RPS6KA2: variants seen among roughly 807,000 people sequenced by gnomAD.
RPS6KA2 encodes the protein ribosomal protein S6 kinase alpha-2.
Under a neutral mutation model 91.8 loss-of-function variants are expected in RPS6KA2, and 42 were observed. That is an observed-to-expected ratio of 0.46 (90% confidence interval 0.36 to 0.59). RPS6KA2 has a LOEUF of 0.59. Ranked by LOEUF, RPS6KA2 falls within the 20% of genes least tolerant of loss-of-function variation. RPS6KA2 has a pLI of 0.00. For missense variants in RPS6KA2, 798 were observed against 978.5 expected, an observed-to-expected ratio of 0.82 and a Z score of 2.46; for synonymous variants, 414 against 393.6, an observed-to-expected ratio of 1.05 and a Z score of -0.61.
intron 2 of RPS6KA2, among the ~76,000 whole-genome samples, chr6:166,703,802 A>G (rs995519640): frequency 3.3e-5 from 5 of 152,238 alleles, no homozygotes; most frequent in Admixed American, 1.3e-4. Flanking sequence ...TCTGCAATTC[A>G]TTAACCTTAT....
intron 2 of RPS6KA2, among the ~76,000 whole-genome samples, chr6:166,657,704 G>A (rs1788043672): frequency 6.6e-6 from 1 of 152,192 alleles, no homozygotes; most frequent in African/African-American, 2.4e-5. Context: ...GAGAAGAACG[G>A]GAAGAGGCTG....
At position 166,648,110 on chromosome 6, in the gene RPS6KA2, G is replaced by GCA; in HGVS notation, c.124-109328_124-109327dup. The stretch of plus-strand genomic sequence containing the variant: ...TACACACACGCTCATACACACACGT[G>GCA]CACACACACGCTCATACACATACAT... On this transcript the variant is annotated intron_variant, in intron 2 of 21. Transcript: ENST00000503859. This position sits in a 1 kb window ranked among gnomAD's most constrained non-coding sequence, Gnocchi z 4.8. 9.1e-6 allele frequency among the ~76,000 whole-genome samples: 1 copy of GCA among 109,804 alleles called. No homozygotes were observed. Among genetic ancestry groups the GCA allele is most frequent in the East Asian group, 3.0e-4 (1 of 3,284 alleles). 72.0% of individuals were successfully genotyped at this position (109,804 alleles called of 152,430 possible). A position where few individuals can be genotyped will look rare whatever the true frequency, so the allele number is the denominator to read the frequency against.
chr6:166,487,326 G>A (rs76265878), intron 10 of RPS6KA2, among the ~76,000 whole-genome samples: 371 of 152,140 alleles, frequency 2.4e-3, no homozygotes, highest in African/African-American at 8.0e-3. Flanking sequence ...CCCATGCCAC[G>A]GGGAGCTCAC....
chr6:166,779,686 G>T (rs942037282), intron 2 of RPS6KA2, among the ~76,000 whole-genome samples: 11 of 152,290 alleles, frequency 7.2e-5, no homozygotes, highest in African/African-American at 2.6e-4. Flanking sequence ...AGCGGCCAGG[G>T]TGTTTCCTTT....
intron 2 of RPS6KA2, among the ~76,000 whole-genome samples, chr6:166,769,696 G>A (rs1021184712): frequency 6.6e-6 from 1 of 152,208 alleles, no homozygotes; most frequent in African/African-American, 2.4e-5. Context: ...GAATTCAAAT[G>A]TCAAGCATTG....
At chr6:166,798,779 C>T (rs1291496160) in intron 2 of RPS6KA2, among the ~76,000 whole-genome samples, 2 of 152,226 alleles carry the variant, frequency 1.3e-5, no homozygotes, top group Non-Finnish European at 2.9e-5. Context: ...CCCCCTTCTC[C>T]ACAGACAGGT....
intron 2 of RPS6KA2, among the ~76,000 whole-genome samples, chr6:166,820,870 A>G (rs775248519): frequency 1.3e-5 from 2 of 152,248 alleles, no homozygotes; most frequent in Non-Finnish European, 2.9e-5. Context: ...TAATTAACCA[A>G]TTACTACGTT....
chr6:166,849,824 A>G lies in RPS6KA2; in HGVS notation c.123+8376T>C, dbSNP rs1444033768. Among the ~76,000 whole-genome samples the G allele has an allele frequency of 2.0e-5, 3 of 152,274 alleles. No homozygotes were observed. In the East Asian group the frequency reaches 5.8e-4, roughly 29 times the overall value. Reference sequence around the variant, plus strand: ...AATTCTCGCCTTCGCTTTCTTTGGAAATGGTTTTATAGGGTTTGCTCCATC... The same window carrying G: ...AATTCTCGCCTTCGCTTTCTTTGGAGATGGTTTTATAGGGTTTGCTCCATC... On this transcript the variant is annotated intron_variant, in intron 2 of 21. Transcript: ENST00000503859. This position sits in a 1 kb window ranked among gnomAD's most constrained non-coding sequence, Gnocchi z 4.9.
chr6:166,519,632 C>A (rs1318786361), intron 3 of RPS6KA2, among the ~76,000 whole-genome samples: 2 of 152,174 alleles, frequency 1.3e-5, no homozygotes, highest in Non-Finnish European at 2.9e-5. Context: ...AACAGGTTCA[C>A]CCCACTGTGA....
At chr6:166,643,759 A>C (rs1031598404) in intron 2 of RPS6KA2, among the ~76,000 whole-genome samples, 4 of 152,240 alleles carry the variant, frequency 2.6e-5, no homozygotes, top group Admixed American at 2.0e-4. Flanking sequence ...TCAGTCCTTC[A>C]AGGATGCTCT....
At chr6:166,802,274 TAA>T (rs879452802) in intron 2 of RPS6KA2, among the ~76,000 whole-genome samples, 4 of 86,832 alleles carry the variant, frequency 4.6e-5, no homozygotes, top group African/African-American at 4.3e-5. Context: ...CGTCTCAAAA[TAA>T]AAAAAAAAAA....
chr6:166,753,127 G>A (rs992151245), intron 2 of RPS6KA2, among the ~76,000 whole-genome samples: 2 of 152,190 alleles, frequency 1.3e-5, no homozygotes, highest in African/African-American at 4.8e-5. Flanking sequence ...CAAAGGGGCT[G>A]GCTGTCCTGC....
At chr6:166,676,068 C>A (rs530958968) in intron 2 of RPS6KA2, among the ~76,000 whole-genome samples, 2 of 152,136 alleles carry the variant, frequency 1.3e-5, no homozygotes, top group African/African-American at 4.8e-5. Context: ...GTCATCCCAG[C>A]ACTTTGGGAG....
intron 8 of RPS6KA2, among the ~76,000 whole-genome samples, chr6:166,491,285 C>T (rs765467320): frequency 1.3e-5 from 2 of 152,222 alleles, no homozygotes; most frequent in Non-Finnish European, 2.9e-5. Flanking sequence ...CCGCACCCTA[C>T]ATCCTTATTT....
chr6:166,465,470 T>C (rs9295349), intron 11 of RPS6KA2: 42,017 of 152,176 alleles, frequency 0.28, 7,237 homozygotes, highest in African/African-American at 0.48. Flanking sequence ...CGGGCAAACT[T>C]GACTCATGAG....
chr6:166,537,562 C>T (rs151175276), intron 2 of RPS6KA2, among the ~76,000 whole-genome samples: 2 of 151,902 alleles, frequency 1.3e-5, no homozygotes, highest in South Asian at 2.1e-4. Flanking sequence ...CCAGTTCATG[C>T]GGACTGTAGG....
At chr6:166,578,449 C>G (rs907939002) in intron 1 of RPS6KA2, among the ~76,000 whole-genome samples, 4 of 152,218 alleles carry the variant, frequency 2.6e-5, no homozygotes, top group African/African-American at 9.6e-5. Context: ...CAGGGGCAAG[C>G]ACCTTAGCCC....
At chr6:166,497,892 A>G (rs986028366) in intron 8 of RPS6KA2, among the ~76,000 whole-genome samples, 2 of 151,802 alleles carry the variant, frequency 1.3e-5, no homozygotes, top group Admixed American at 1.3e-4. Flanking sequence ...ATTGTCATCC[A>G]GGTCAGATTC....
At chr6:166,438,125 C>T (rs1264578162) in intron 14 of RPS6KA2, among the ~76,000 whole-genome samples, 2 of 152,220 alleles carry the variant, frequency 1.3e-5, no homozygotes, top group Non-Finnish European at 2.9e-5. Context: ...ATTTAACAGA[C>T]ACCTTCTCCT....
Sources: gnomAD v4.1 joint callset for allele counts (sites outside exome capture counted in the v4.1 genomes callset) on GRCh38, gnomAD v4.1.1 for gene constraint, Gnocchi (gnomAD v3.1) non-coding constraint, MANE v1.5 for transcripts, NCBI Gene and HGNC (gene_info 2026-07-23, HGNC 2026-07-21) for gene names.